The following RSL1D1 variants were observed in gnomAD, a reference collection of about 807,000 sequenced individuals.
RSL1D1 encodes the protein ribosomal L1 domain-containing protein 1.
Under a neutral mutation model 44.6 loss-of-function variants are expected in RSL1D1, and 34 were observed. That is an observed-to-expected ratio of 0.76 (90% CI 0.58 to 1.02). RSL1D1 has a LOEUF of 1.02. Ranked by LOEUF, RSL1D1 falls within the 50% of genes least tolerant of loss-of-function variation. RSL1D1 has a pLI of 0.00. For missense variants in RSL1D1, 767 were observed against 568.1 expected (o/e 1.35, Z -3.56); for synonymous variants, 271 against 207.4 (o/e 1.31, Z -2.63).
chr16:11,851,501 C>G lies in RSL1D1; in HGVS notation c.12G>C (p.Ser4=), dbSNP rs375967891. 44 of 1,613,676 alleles carry G rather than the reference C, an allele frequency of 2.7e-5. No homozygotes were observed. The highest frequency in any genetic ancestry group is 3.4e-5 in the Non-Finnish European group (40 of 1,179,910). Reference sequence around the variant, plus strand: ...CTGCAGAAGACAGCGAGGCCGAGGCCGAATCCTCCATCTTGTTTCCACCTC... The same window carrying G: ...CTGCAGAAGACAGCGAGGCCGAGGCGGAATCCTCCATCTTGTTTCCACCTC... MED[S]ASASLSSAAA... Residue 4 remains serine, a synonymous_variant, in exon 1 of 9, where the codon TCG becomes TCC. Transcript: ENST00000571133.
At chr16:11,846,039 T>C (rs1460421124) in intron 5 of RSL1D1, among the ~76,000 whole-genome samples, 2 of 150,332 alleles carry the variant, frequency 1.3e-5, no homozygotes, top group South Asian at 4.3e-4. Flanking sequence ...GACCCGAGAA[T>C]TGATCACTTC....
At chr16:11,847,476 G>C (rs1447319856) in intron 3 of RSL1D1, 192 bp downstream of exon 3, 5 of 534,606 alleles carry the variant, frequency 9.4e-6, no homozygotes, top group East Asian at 3.2e-5. Context: ...TGGAAGTACA[G>C]AGGAATGACA....
At position 11,837,744 on chromosome 16, in the gene RSL1D1, C is replaced by A. The variant is rs571892313; in HGVS notation, c.*43G>T. 2.1e-5 allele frequency: 32 copies of A among 1,512,708 alleles called. No homozygotes were observed. Among genetic ancestry groups the A allele is most frequent in the Non-Finnish European group, 2.7e-5 (30 of 1,111,396 alleles). The allele number at this position is 1,512,708 out of a possible 1,614,324, so 93.7% of individuals were successfully genotyped here. On this transcript the variant is annotated 3_prime_UTR_variant, in exon 9 of 9. Transcript: ENST00000571133. ...AGGATCTGAGTATTTCCAAAAAGCT[C>A]TGGAGGCAGCATTGAGGTTTCCTTC...
intron 1 of RSL1D1, 142 bp from the exon 2 acceptor site, chr16:11,850,560 A>G: frequency 1.2e-5 from 9 of 750,428 alleles, no homozygotes; most frequent in Non-Finnish European, 1.9e-5. Context: ...TTCAAGGGGT[A>G]ACCTCCATAA....
chr16:11,846,268 G>C (rs1403179329), intron 5 of RSL1D1, among the ~76,000 whole-genome samples: 1 of 151,030 alleles, frequency 6.6e-6, no homozygotes, highest in East Asian at 2.0e-4. Context: ...GGTGGCAGGC[G>C]CCTGTAGTCC....
At chr16:11,843,417 G>C (rs373432617) in intron 5 of RSL1D1, among the ~76,000 whole-genome samples, 1 of 152,122 alleles carries the variant, frequency 6.6e-6, no homozygotes, top group East Asian at 2.0e-4. Context: ...GAGGTTAGGC[G>C]CATTGGGAGG....
chr16:11,845,316 G>A (rs754047902), intron 5 of RSL1D1, among the ~76,000 whole-genome samples: 19 of 152,170 alleles, frequency 1.2e-4, no homozygotes, highest in Non-Finnish European at 2.8e-4. Context: ...AGCCAGGTAT[G>A]GTGATGTGTG....
At position 11,837,908 on chromosome 16, in the gene RSL1D1, G is replaced by T. The variant is rs772410136; in HGVS notation, c.1352C>A (p.Ala451Glu). Residue 451 changes from alanine (A) to glutamate (E), a missense_variant, in exon 9 of 9, where the codon GCG becomes GAG. Physicochemically the swap from Ala to Glu is moderately radical, Grantham distance 107 (BLOSUM62 -1). Transcript: ENST00000571133. ...CTCTGGCTTTTTTGGAGTCTGTCTC[G>T]CATCTTTTTTCCCCAGCGAAGGACT... ...EKSPSLGKKD[A>E]RQTPKKPEAK... is the part of the protein sequence containing the mutation. 1.2e-6 allele frequency: 2 copies of T among 1,613,932 alleles called. No homozygotes were observed. The highest frequency in any genetic ancestry group is 8.5e-7 in the Non-Finnish European group (1 of 1,179,986).
intron 2 of RSL1D1, chr16:11,849,209 C>T (rs1373866676): frequency 6.6e-6 from 1 of 152,108 alleles, no homozygotes; most frequent in East Asian, 1.9e-4. Flanking sequence ...CACAGTGAAA[C>T]CTCATCTCCA....
intron 5 of RSL1D1, among the ~76,000 whole-genome samples, chr16:11,843,548 C>T (rs2053777425): frequency 6.6e-6 from 1 of 151,976 alleles, no homozygotes; most frequent in East Asian, 1.9e-4. Context: ...AGTTCTACTG[C>T]TCTACCCAGC....
At chr16:11,844,158 G>T (rs760957850) in intron 5 of RSL1D1, among the ~76,000 whole-genome samples, 2 of 152,198 alleles carry the variant, frequency 1.3e-5, no homozygotes, top group African/African-American at 2.4e-5. Context: ...CCACCTGCCT[G>T]CAAGCACACC....
At position 11,846,825 on chromosome 16, in the gene RSL1D1, G is replaced by T; in HGVS notation, c.403C>A (p.Leu135Ile). ...TCATAGGATTTATATTCCTTCTTTA[G>T]AGTTTGGAGGGAGATAATCTAGGAA... is the stretch of plus-strand genomic sequence containing the variant. Reference protein sequence around the residue: ...TVSQIISLQTLKKEYKSYEAK... With the variant: ...TVSQIISLQTIKKEYKSYEAK... Residue 135 changes from leucine (L) to isoleucine (I), a missense_variant, in exon 4 of 9, where the codon CTA becomes ATA. Transcript: ENST00000571133. 4 of 1,610,352 alleles carry T rather than the reference G, an allele frequency of 2.5e-6. No homozygotes were observed. Among genetic ancestry groups the T allele is most frequent in the Non-Finnish European group, 3.4e-6 (4 of 1,176,886 alleles).
At chr16:11,849,921 C>T (rs530586970) in intron 2 of RSL1D1, among the ~76,000 whole-genome samples, 31 of 152,074 alleles carry the variant, frequency 2.0e-4, no homozygotes, top group Admixed American at 3.3e-4. Context: ...GAGACATCTC[C>T]GCTCACTGCC....
intron 1 of RSL1D1, among the ~76,000 whole-genome samples, chr16:11,850,763 T>C (rs1264866013): frequency 3.3e-5 from 5 of 152,184 alleles, no homozygotes; most frequent in East Asian, 1.9e-4. Flanking sequence ...CAAAGCAAAA[T>C]GCATTTAGCA....
chr16:11,841,087 T>A (rs1471547718), intron 7 of RSL1D1, among the ~76,000 whole-genome samples: 2 of 152,144 alleles, frequency 1.3e-5, no homozygotes, highest in Non-Finnish European at 2.9e-5. Context: ...AAATATGTGG[T>A]AGGAACTTAA....
intron 3 of RSL1D1, 44 bp from the exon 4 acceptor site, chr16:11,846,887 A>AGGCCGGGCGCGGTGGCTC: frequency 6.6e-7 from 1 of 1,506,954 alleles, no homozygotes; most frequent in Admixed American, 1.8e-5. Context: ...TTAGGAATCT[A>AGGCCGGGCGCGGTGGCTC]AACAAGGAGA....
chr16:11,842,015 A>G lies in RSL1D1; in HGVS notation c.636-15T>C. The G allele has an allele frequency of 6.4e-7, 1 of 1,560,214 alleles. No individual in the cohort carries two copies. Among genetic ancestry groups the G allele is most frequent in the Non-Finnish European group, 8.7e-7 (1 of 1,144,254 alleles). On this transcript the variant is annotated splice_polypyrimidine_tract_variant and intron_variant, in intron 5 of 8. Transcript: ENST00000571133. ...TACGTATAGCACTGAAATTTAATAT[A>G]GTATTAGACAAGATTTTAAAAAACC...
rs747573605 is a variant in RSL1D1, at chr16:11,841,736, C to T, written c.814G>A (p.Asp272Asn). 3 of 1,613,914 alleles carry T rather than the reference C, an allele frequency of 1.9e-6. No individual in the cohort carries two copies. The highest frequency in any genetic ancestry group is 2.5e-6 in the Non-Finnish European group (3 of 1,179,928). ...PIFSSFVSNWDEATKRSLLNK... is the reference protein window; with the variant it reads ...PIFSSFVSNWNEATKRSLLNK... ...AGCAAAGATCTTTTGGTGGCTTCAT[C>T]CCAATTGCTGACAAACGAGGAAAAG... Residue 272 changes from aspartate (D) to asparagine (N), a missense_variant, in exon 7 of 9, where the codon GAT becomes AAT. Asp to Asn is a conservative substitution (Grantham distance 23, BLOSUM62 1). Transcript: ENST00000571133.
Position 11,837,931 on chromosome 16 carries a change from A to C in RSL1D1, c.1329T>G (p.Ser443Arg), listed in dbSNP as rs1487752279. The C allele has an allele frequency of 1.2e-6, 2 of 1,613,782 alleles. No individual in the cohort carries two copies. Residue 443 changes from serine to arginine, a missense_variant, in exon 9 of 9, where the codon AGT (serine) becomes AGG (arginine). Transcript: ENST00000571133. ...TCGCATCTTTTTTCCCCAGCGAAGG[A>C]CTTTTTTCCTTCACTGCCTCTTCTT... The part of the protein sequence containing the change: ...KIKEEAVKEK[S>R]PSLGKKDARQ...
Sources: allele counts gnomAD v4.1 joint callset (sites outside exome capture counted in the v4.1 genomes callset), GRCh38; gene constraint gnomAD v4.1.1; transcripts MANE v1.5; gene names NCBI Gene and HGNC (gene_info 2026-07-23, HGNC 2026-07-21).